The following TBL1Y variants were observed in gnomAD, a reference collection of about 807,000 sequenced individuals.
TBL1Y encodes transducin beta like 1 Y-linked.
TBL1Y carries 15 observed loss-of-function variants against 12.0 expected under a neutral mutation model. The observed-to-expected ratio is 1.25, with a 90% confidence interval of 0.83 to 1.92. TBL1Y has a LOEUF of 1.92. Ranked by LOEUF, TBL1Y falls within the 40% of genes most tolerant of loss-of-function variation. The pLI is 0.00. For missense variants in TBL1Y, 148 were observed against 116.7 expected (o/e 1.27, Z -1.24); for synonymous variants, 53 against 42.6 (o/e 1.24, Z -0.95).
chrY:6,978,410 A>G, intron 3 of TBL1Y, among the ~76,000 whole-genome samples, 167 bp downstream of exon 3: 1 of 34,101 alleles, frequency 2.9e-5, no homozygotes, highest in Non-Finnish European at 7.3e-5. Flanking sequence ...GCAGGACCAT[A>G]TGGTGTTCAG....
At chrY:6,914,694 A>G in intron 2 of TBL1Y, among the ~76,000 whole-genome samples, 1 of 32,594 alleles carries the variant, frequency 3.1e-5, no homozygotes, top group Non-Finnish European at 7.4e-5. Flanking sequence ...ACTCTGTCTC[A>G]AAACAAACAA....
chrY:7,084,748 G>A, intron 14 of TBL1Y, among the ~76,000 whole-genome samples: 1 of 33,642 alleles, frequency 3.0e-5, no homozygotes, highest in East Asian at 8.0e-4. Flanking sequence ...TGTGCTTTTA[G>A]GTACTTGGCT....
intron 2 of TBL1Y, among the ~76,000 whole-genome samples, chrY:6,935,033 C>CTT: frequency 3.6e-5 from 1 of 28,068 alleles, no homozygotes. Flanking sequence ...TTTTCTTTTT[C>CTT]TTTTTTTTTT....
chrY:7,026,970 G>A lies in TBL1Y; in HGVS notation c.58+1828G>A, dbSNP rs756727259. Among the ~76,000 whole-genome samples the A allele has an allele frequency of 2.1e-4, 3 of 14,628 alleles. No homozygotes were observed. The South Asian group carries it at 6.6e-3, about 32-fold the overall frequency. 39.2% of individuals were successfully genotyped at this position (14,628 alleles called of 37,273 possible). On this transcript the variant is annotated intron_variant, in intron 6 of 18. Transcript: ENST00000383032. Reference sequence around the variant, plus strand: ...GGGGTCTCAGTTTGTTGCCCAGGCTGGCGCTCACTGCAGCTTCAACCTCCT... The same window carrying A: ...GGGGTCTCAGTTTGTTGCCCAGGCTAGCGCTCACTGCAGCTTCAACCTCCT...
intron 7 of TBL1Y, among the ~76,000 whole-genome samples, chrY:7,049,822 C>T (rs1022099702): frequency 6.0e-5 from 2 of 33,605 alleles, no homozygotes; most frequent in African/African-American, 1.2e-4. Flanking sequence ...CCTGTACACT[C>T]TGATGGTAGT....
intron 2 of TBL1Y, among the ~76,000 whole-genome samples, chrY:6,977,262 C>A (rs769050582): frequency 3.0e-5 from 1 of 33,028 alleles, no homozygotes; most frequent in East Asian, 8.1e-4. Flanking sequence ...TGCTGGGGTT[C>A]TTTGGGGGTG....
At chrY:7,060,354 C>T (rs2012853751) in intron 7 of TBL1Y, among the ~76,000 whole-genome samples, 2 of 31,441 alleles carry the variant, frequency 6.4e-5, no homozygotes, top group Admixed American at 2.9e-4. Flanking sequence ...TTTTTTTCCA[C>T]GACTTTCACA....
intron 2 of TBL1Y, among the ~76,000 whole-genome samples, chrY:6,922,852 G>A: frequency 2.9e-5 from 1 of 34,796 alleles, no homozygotes; most frequent in Admixed American, 2.5e-4. Context: ...GGCAGGTGCC[G>A]GCCAGCTGCG....
intron 13 of TBL1Y, among the ~76,000 whole-genome samples, chrY:7,079,233 T>C: frequency 1.2e-4 from 4 of 33,853 alleles, no homozygotes; most frequent in African/African-American, 4.6e-4. Flanking sequence ...TGGGACAACT[T>C]GCAACATCTG....
At chrY:6,948,624 G>C in intron 2 of TBL1Y, among the ~76,000 whole-genome samples, 1 of 24,241 alleles carries the variant, frequency 4.1e-5, no homozygotes, top group Admixed American at 4.2e-4. Flanking sequence ...GTAGTGAGCC[G>C]AAATCGCGCC....
At chrY:6,975,204 G>A in intron 2 of TBL1Y, among the ~76,000 whole-genome samples, 1 of 33,320 alleles carries the variant, frequency 3.0e-5, no homozygotes, top group Non-Finnish European at 7.4e-5. Context: ...GCTGTGTTTC[G>A]GATACTTGTA....
chrY:7,007,434 T>C (rs2012494571), intron 4 of TBL1Y, among the ~76,000 whole-genome samples: 1 of 33,216 alleles, frequency 3.0e-5, no homozygotes, highest in Non-Finnish European at 7.4e-5. Flanking sequence ...AAAAGTGTAT[T>C]TCTGTGTGTT....
chrY:7,022,018 G>A (rs2012585694), intron 5 of TBL1Y, among the ~76,000 whole-genome samples: 1 of 33,046 alleles, frequency 3.0e-5, no homozygotes, highest in Middle Eastern at 0.014. Flanking sequence ...AGAAAATCAT[G>A]CAGATTACTG....
intron 7 of TBL1Y, among the ~76,000 whole-genome samples, chrY:7,062,027 A>G (rs2012874111): frequency 3.1e-5 from 1 of 32,094 alleles, no homozygotes; most frequent in Non-Finnish European, 7.6e-5. Context: ...GGCTGGTGGA[A>G]TGGTAATTCC....
intron 2 of TBL1Y, among the ~76,000 whole-genome samples, chrY:6,917,703 T>A (rs766696280): frequency 3.1e-5 from 1 of 32,757 alleles, no homozygotes; most frequent in East Asian, 8.3e-4. Flanking sequence ...TTGCTAGCTG[T>A]CCGAGCTCTG....
intron 4 of TBL1Y, among the ~76,000 whole-genome samples, chrY:7,019,571 T>A: frequency 1.2e-4 from 4 of 33,938 alleles, no homozygotes. Flanking sequence ...ATTAATTACT[T>A]CTTGAACTAT....
intron 6 of TBL1Y, among the ~76,000 whole-genome samples, chrY:7,031,996 C>T (rs2012658736): frequency 3.0e-5 from 1 of 32,964 alleles, no homozygotes; most frequent in Non-Finnish European, 7.4e-5. Context: ...AAATTCTCGA[C>T]ACATTTGGTG....
At chrY:6,972,412 T>C (rs2012213969) in intron 2 of TBL1Y, among the ~76,000 whole-genome samples, 1 of 33,700 alleles carries the variant, frequency 3.0e-5, no homozygotes, top group Non-Finnish European at 7.3e-5. Flanking sequence ...TCCTGGAGCA[T>C]ATAGATAGAT....
intron 18 of TBL1Y, 31 bp downstream of exon 18, chrY:7,090,221 A>G: frequency 8.3e-6 from 3 of 361,646 alleles, no homozygotes; most frequent in Non-Finnish European, 1.2e-5. Context: ...ACCAGGGAAC[A>G]GGGTGTTGGG....
Sources: allele counts gnomAD v4.1 joint callset (sites outside exome capture counted in the v4.1 genomes callset), GRCh38; gene constraint gnomAD v4.1.1; transcripts MANE v1.5; gene names NCBI Gene and HGNC (gene_info 2026-07-23, HGNC 2026-07-21).